The following RAD23B variants were observed in gnomAD, a reference collection of about 807,000 sequenced individuals.
RAD23B encodes the protein lysine-specific demethylase RAD23B.
In RAD23B, 5 loss-of-function variants were observed where a neutral mutation model predicts 49.1. The ratio of observed to expected loss-of-function variants is 0.10; its 90% confidence interval spans 0.05 to 0.21. The LOEUF is 0.21. Among genes scored for constraint, RAD23B ranks in the 10% least tolerant of loss-of-function variants. The pLI is 1.00. For missense variants in RAD23B, 356 were observed against 486.7 expected (o/e 0.73, Z 2.53); for synonymous variants, 184 against 165.4 (o/e 1.11, Z -0.86).
intron 5 of RAD23B, among the ~76,000 whole-genome samples, chr9:107,316,576 T>A (rs1255133391): frequency 6.6e-6 from 1 of 152,140 alleles, no homozygotes; most frequent in South Asian, 2.1e-4. Flanking sequence ...TAATTAAAAT[T>A]TATTGTTTTA....
At chr9:107,312,291 C>T (rs1462849834) in intron 5 of RAD23B, among the ~76,000 whole-genome samples, 1 of 152,186 alleles carries the variant, frequency 6.6e-6, no homozygotes, top group Admixed American at 6.5e-5. Flanking sequence ...TGTAGCATCT[C>T]TGATACAGTT....
intron 3 of RAD23B, 51 bp downstream of exon 3, chr9:107,302,165 A>G (rs772296078): frequency 6.2e-7 from 1 of 1,606,198 alleles, no homozygotes; most frequent in South Asian, 1.1e-5. Flanking sequence ...GTCTTTTTAA[A>G]AATGATGATC....
In RAD23B at chr9:107,292,595, G is replaced by T. The variant is rs373524100; in HGVS notation, c.67-7546G>T. 2.7e-5 allele frequency among the ~76,000 whole-genome samples: 4 copies of T among 146,704 alleles called. No homozygotes were observed. In the East Asian group the frequency reaches 6.1e-4, roughly 22 times the overall value. On this transcript the variant is annotated intron_variant, in intron 1 of 9. Coordinates refer to ENST00000358015, the MANE Select transcript of RAD23B (RefSeq NM_002874.5). The stretch of plus-strand genomic sequence containing the variant: ...CTTGGGAGGCTGAGGCAGGAGAATC[G>T]CTTGAACTCGTGAGGTGGAGGTTGC...
At chr9:107,308,288 G>A (rs1192156002) in intron 4 of RAD23B, among the ~76,000 whole-genome samples, 1 of 150,260 alleles carries the variant, frequency 6.7e-6, no homozygotes, top group Non-Finnish European at 1.5e-5. Context: ...GCGTGACCTC[G>A]GCTCACTACA....
At chr9:107,310,921 A>G (rs1370040403) in intron 4 of RAD23B, among the ~76,000 whole-genome samples, 1 of 152,196 alleles carries the variant, frequency 6.6e-6, no homozygotes, top group Non-Finnish European at 1.5e-5. Context: ...GAACTGAAAT[A>G]TAATGTGTGT....
intron 5 of RAD23B, among the ~76,000 whole-genome samples, chr9:107,313,217 T>C (rs1826924393): frequency 6.6e-6 from 1 of 150,964 alleles, no homozygotes; most frequent in Non-Finnish European, 1.5e-5. Flanking sequence ...TATTTTCTTT[T>C]CTCTTTTCTT....
At chr9:107,286,846 G>A (rs1833280159) in intron 1 of RAD23B, among the ~76,000 whole-genome samples, 1 of 152,084 alleles carries the variant, frequency 6.6e-6, no homozygotes, top group African/African-American at 2.4e-5. Flanking sequence ...GCCGAGGTGG[G>A]CGGATCACAA....
At chr9:107,313,030 G>A (rs1226492370) in intron 5 of RAD23B, among the ~76,000 whole-genome samples, 4 of 152,040 alleles carry the variant, frequency 2.6e-5, no homozygotes, top group Non-Finnish European at 5.9e-5. Context: ...AAGTCTCTAT[G>A]TTGATTCCCT....
At chr9:107,324,565 TGTTTTTTG>T (rs939706991) in intron 8 of RAD23B, among the ~76,000 whole-genome samples, 14 of 152,134 alleles carry the variant, frequency 9.2e-5, no homozygotes, top group African/African-American at 2.9e-4. Context: ...TTTTTTTGTT[TGTTTTTTG>T]TTTGTTTTGT....
intron 3 of RAD23B, among the ~76,000 whole-genome samples, chr9:107,304,173 G>A (rs189848368): frequency 2.6e-5 from 4 of 152,272 alleles, no homozygotes; most frequent in African/African-American, 9.6e-5. Flanking sequence ...AAACTAAAAA[G>A]CAGAGAAGGG....
In RAD23B at chr9:107,306,638, C is replaced by T; in HGVS notation, c.488C>T (p.Ala163Val). 2 of 1,613,462 alleles carry T rather than the reference C, an allele frequency of 1.2e-6. No individual in the cohort carries two copies. Among genetic ancestry groups the T allele is most frequent in the African/African-American group, 1.3e-5 (1 of 75,006 alleles). ...ACACCAGTGGCTACTAGCCCAACAG[C>T]AACTGACAGGTAGGAACTGGATTCT... ...AETPVATSPT[A>V]TDSTSGDSSR... is the part of the protein sequence containing the mutation. Residue 163 changes from alanine (A) to valine (V), a missense_variant, in exon 4 of 10, where the codon GCA (alanine) becomes GTA (valine). By Grantham distance (64) the Ala-to-Val change is moderately conservative. Transcript: ENST00000358015.
rs1387848404 is a variant in RAD23B, at chr9:107,331,650, A to C, written c.*1994A>C. On this transcript the variant is annotated 3_prime_UTR_variant, in exon 10 of 10. Transcript: ENST00000358015. ...ATGGAATACTCTCATTTATTTTATG[A>C]CATTCTCTGTCTACTCAGATCATAG... 2.6e-6 allele frequency: 2 copies of C among 770,032 alleles called. No individual in the cohort carries two copies. Among genetic ancestry groups the C allele is most frequent in the Non-Finnish European group, 4.8e-6 (2 of 415,320 alleles). 47.7% of individuals were successfully genotyped at this position (770,032 alleles called of 1,614,324 possible). A position where few individuals can be genotyped will look rare whatever the true frequency, so the allele number is the denominator to read the frequency against.
chr9:107,315,933 C>CA (rs1826983686), intron 5 of RAD23B, among the ~76,000 whole-genome samples: 1 of 151,944 alleles, frequency 6.6e-6, no homozygotes, highest in African/African-American at 2.4e-5. Context: ...TTTTAGGAGT[C>CA]ATAGTGTAAT....
rs1378839462 is a variant in RAD23B, at chr9:107,318,316, C to T, written c.554-436C>T. Among the ~76,000 whole-genome samples, 3 of 152,112 alleles carry T rather than the reference C, an allele frequency of 2.0e-5. No individual in the cohort carries two copies. Among genetic ancestry groups the T allele is most frequent in the African/African-American group, 7.2e-5 (3 of 41,416 alleles). On this transcript the variant is annotated intron_variant, in intron 5 of 9. Transcript: ENST00000358015. This position sits in a 1 kb window ranked among gnomAD's most constrained non-coding sequence, Gnocchi z 4.3. ...TCCTACCATACCTTGGCTGGTAGCC[C>T]CTTTCTGCATCTTCAAAGGCAACAG...
At chr9:107,316,674 C>A (rs1827004872) in intron 5 of RAD23B, among the ~76,000 whole-genome samples, 1 of 151,992 alleles carries the variant, frequency 6.6e-6, no homozygotes, top group African/African-American at 2.4e-5. Flanking sequence ...AGCTATTAAA[C>A]ACCTTTATTT....
intron 1 of RAD23B, among the ~76,000 whole-genome samples, chr9:107,296,373 G>T (rs1240077813): frequency 2.6e-5 from 4 of 152,084 alleles, no homozygotes; most frequent in Non-Finnish European, 5.9e-5. Flanking sequence ...TCAATGCCAA[G>T]AATTATTCAA....
At position 107,283,342 on chromosome 9, in the gene RAD23B, A is replaced by G. The variant is rs963328064; in HGVS notation, c.-288A>G. On this transcript the variant is annotated 5_prime_UTR_variant, in exon 1 of 10. Transcript: ENST00000358015. ...AGCGGATTCCCTGCTTGTCTCGCCG[A>G]CCCCCTCGCGCCTTCTGCAGACTCC... 3.6e-5 allele frequency: 15 copies of G among 417,268 alleles called. No individual in the cohort carries two copies. The highest frequency in any genetic ancestry group is 3.1e-4 in the African/African-American group (15 of 48,318). 25.8% of individuals were successfully genotyped at this position (417,268 alleles called of 1,614,324 possible). A position where few individuals can be genotyped will look rare whatever the true frequency, so the allele number is the denominator to read the frequency against.
chr9:107,329,395 T>C (rs186073594), intron 9 of RAD23B, 148 bp from the exon 10 acceptor site: 38 of 541,474 alleles, frequency 7.0e-5, no homozygotes, highest in African/African-American at 6.4e-4. Context: ...TGAATTCATG[T>C]AAAATTCTCA....
intron 1 of RAD23B, 129 bp from the exon 2 acceptor site, chr9:107,300,012 A>C: frequency 1.7e-6 from 2 of 1,195,912 alleles, no homozygotes; most frequent in Non-Finnish European, 2.3e-6. Flanking sequence ...TTGGAAAAAC[A>C]TAATATTTGA....
Sources: gnomAD v4.1 joint callset for allele counts (sites outside exome capture counted in the v4.1 genomes callset) on GRCh38, gnomAD v4.1.1 for gene constraint, Gnocchi (gnomAD v3.1) non-coding constraint, MANE v1.5 for transcripts, NCBI Gene and HGNC (gene_info 2026-07-23, HGNC 2026-07-21) for gene names.